Variants in MAD1L1 observed in about 807,000 individuals in gnomAD.
MAD1L1 encodes mitotic arrest deficient 1 like 1, also known as mitotic spindle assembly checkpoint protein MAD1.
A neutral mutation model predicts 96.9 loss-of-function variants in MAD1L1; 95 were observed. The ratio of observed to expected loss-of-function variants is 0.98; its 90% CI spans 0.83 to 1.16. The LOEUF is 1.16. Ranked by LOEUF, MAD1L1 falls within the 50% of genes most tolerant of loss-of-function variation. The pLI, the probability that MAD1L1 is intolerant of heterozygous loss-of-function variation, is 0.00. For synonymous variants in MAD1L1, 473 were observed against 396.6 expected (o/e 1.19, Z -2.29); for missense variants, 1,007 against 954.4 (o/e 1.06, Z -0.73).
intron 18 of MAD1L1, among the ~76,000 whole-genome samples, chr7:1,877,472 C>A (rs529304879): frequency 0.013 from 2,014 of 150,900 alleles, 42 homozygotes; most frequent in African/African-American, 0.046. Context: ...CAAAAAACAG[C>A]CCAAAAGAGG....
chr7:2,113,895 C>T (rs971102219), intron 11 of MAD1L1, among the ~76,000 whole-genome samples: 1 of 152,168 alleles, frequency 6.6e-6, no homozygotes, highest in African/African-American at 2.4e-5. Context: ...GGCGGGGTCA[C>T]GACGACAGGA....
At chr7:1,887,361 G>C (rs942768778) in intron 18 of MAD1L1, among the ~76,000 whole-genome samples, 5 of 151,468 alleles carry the variant, frequency 3.3e-5, no homozygotes, top group African/African-American at 1.2e-4. Flanking sequence ...GCATGCATGT[G>C]TGTGGGTGGC....
chr7:2,138,930 A>G (rs1288322749), intron 11 of MAD1L1, among the ~76,000 whole-genome samples: 1 of 152,218 alleles, frequency 6.6e-6, no homozygotes, highest in Non-Finnish European at 1.5e-5. Context: ...GCAAAGCAAG[A>G]GTCCTGGACC....
At chr7:1,852,528 T>C (rs1384852762) in intron 18 of MAD1L1, among the ~76,000 whole-genome samples, 1 of 152,188 alleles carries the variant, frequency 6.6e-6, no homozygotes, top group Non-Finnish European at 1.5e-5. Context: ...GCTTCCACCC[T>C]GGCCCGACCG....
chr7:1,849,849 C>G (rs557441297), intron 18 of MAD1L1: 1 of 152,338 alleles, frequency 6.6e-6, no homozygotes, highest in South Asian at 2.1e-4. Context: ...CCTGAGGCCA[C>G]TCTCCCTGGA....
At chr7:2,116,662 G>A (rs1008245555) in intron 11 of MAD1L1, among the ~76,000 whole-genome samples, 5 of 152,074 alleles carry the variant, frequency 3.3e-5, no homozygotes, top group African/African-American at 4.8e-5. Context: ...TGTTGCAGGG[G>A]GCCCAGGTCC....
chr7:2,028,493 A>T (rs1783081451), intron 12 of MAD1L1, among the ~76,000 whole-genome samples: 1 of 152,072 alleles, frequency 6.6e-6, no homozygotes, highest in South Asian at 2.1e-4. Context: ...GGATTAGAAG[A>T]TTCAATATTG....
At chr7:1,869,597 G>A (rs1182994038) in intron 18 of MAD1L1, among the ~76,000 whole-genome samples, 3 of 152,090 alleles carry the variant, frequency 2.0e-5, no homozygotes, top group African/African-American at 4.8e-5. Flanking sequence ...GTGACAAAAC[G>A]GAACATAACC....
At position 2,114,088 on chromosome 7, in the gene MAD1L1, G is replaced by C. The variant is rs373903081; in HGVS notation, c.1073+35064C>G. On this transcript the variant is annotated intron_variant, in intron 11 of 18. Transcript: ENST00000265854. The surrounding 1 kb of genome is among the most constrained non-coding windows in gnomAD (Gnocchi z 4.2). ...CCAGGCCTTACAGCTTCTGATAACT[G>C]TACACGGGCTCACAAGACGTTACCC... 2.6e-5 allele frequency among the ~76,000 whole-genome samples: 4 copies of C among 152,200 alleles called. No homozygotes were observed. Among genetic ancestry groups the C allele is most frequent in the African/African-American group, 9.7e-5 (4 of 41,446 alleles).
intron 12 of MAD1L1, among the ~76,000 whole-genome samples, chr7:2,048,635 G>C (rs999237912): frequency 6.6e-6 from 1 of 152,226 alleles, no homozygotes; most frequent in Non-Finnish European, 1.5e-5. Context: ...TGTCCCATAG[G>C]ATGTTGAGTG....
Position 2,001,936 on chromosome 7 carries a change from A to G in MAD1L1, c.1416+129T>C, listed in dbSNP as rs1016974430. ...TCACACACCCTTCCCCGCTCAACGC[A>G]GCTTCCGACGACAGAAGAGGCAGCC... On this transcript the variant is annotated intron_variant, in intron 14 of 18. Coordinates refer to ENST00000265854, the MANE Select transcript of MAD1L1 (RefSeq NM_001013836.2). The G allele has an allele frequency of 9.7e-6, 9 of 928,384 alleles. No homozygotes were observed. The African/African-American group carries it at 1.5e-4, about 15-fold the overall frequency. The allele number at this position is 928,384 out of a possible 1,614,324, so 57.5% of individuals were successfully genotyped here. A position where few individuals can be genotyped will look rare whatever the true frequency, so the allele number is the denominator to read the frequency against.
chr7:1,852,682 A>G (rs1784040814), intron 18 of MAD1L1, among the ~76,000 whole-genome samples: 1 of 151,994 alleles, frequency 6.6e-6, no homozygotes, highest in Admixed American at 6.5e-5. Context: ...GCTTTGCGAG[A>G]TACTGCATTA....
intron 11 of MAD1L1, among the ~76,000 whole-genome samples, chr7:2,100,418 GT>G (rs1324761689): frequency 6.6e-6 from 1 of 152,230 alleles, no homozygotes; most frequent in Non-Finnish European, 1.5e-5. Flanking sequence ...CCTGGAGGGG[GT>G]GCCACACTCC....
chr7:1,928,251 C>A (rs61150432), intron 17 of MAD1L1, among the ~76,000 whole-genome samples: 1 of 146,012 alleles, frequency 6.8e-6, no homozygotes, highest in Non-Finnish European at 1.5e-5. Flanking sequence ...CACTGCTCCC[C>A]ACCACCCGCC....
chr7:2,141,954 G>A lies in MAD1L1; in HGVS notation c.1073+7198C>T, dbSNP rs112140603. ...GGCCACCAGCCAGGCCAGGGTCGCCGGGGCAGCCATCACCGGCCAGCAGGT... is the reference window on the plus strand; with the variant it reads ...GGCCACCAGCCAGGCCAGGGTCGCCAGGGCAGCCATCACCGGCCAGCAGGT... On this transcript the variant is annotated intron_variant, in intron 11 of 18. Coordinates refer to ENST00000265854, the MANE Select transcript of MAD1L1 (RefSeq NM_001013836.2). Among the ~76,000 whole-genome samples, 215 of 152,324 alleles carry A rather than the reference G, an allele frequency of 1.4e-3. 2 individuals are homozygous for A. The highest frequency in any genetic ancestry group is 5.0e-3 in the African/African-American group (207 of 41,572).
At chr7:2,065,883 G>C (rs528282600) in intron 12 of MAD1L1, among the ~76,000 whole-genome samples, 1 of 152,330 alleles carries the variant, frequency 6.6e-6, no homozygotes, top group South Asian at 2.1e-4. Flanking sequence ...CTTGCTAAAA[G>C]TTAGCTTGTA....
intron 13 of MAD1L1, among the ~76,000 whole-genome samples, chr7:2,009,200 C>T (rs924870763): frequency 2.0e-5 from 3 of 152,172 alleles, no homozygotes; most frequent in African/African-American, 7.2e-5. Context: ...GCACAGAGGC[C>T]TCAGCCGGGC....
intron 3 of MAD1L1, among the ~76,000 whole-genome samples, chr7:2,228,960 C>G (rs747662403): frequency 3.3e-5 from 5 of 152,050 alleles, no homozygotes; most frequent in Non-Finnish European, 7.4e-5. Flanking sequence ...ATCTTGATCT[C>G]CTGACCTCAT....
At chr7:2,102,691 C>T (rs1004478937) in intron 11 of MAD1L1, among the ~76,000 whole-genome samples, 3 of 152,090 alleles carry the variant, frequency 2.0e-5, no homozygotes, top group Admixed American at 2.0e-4. Context: ...CCACTCTCCA[C>T]ACCATCACCA....
Sources: gnomAD v4.1 joint callset for allele counts (sites outside exome capture counted in the v4.1 genomes callset) on GRCh38, gnomAD v4.1.1 for gene constraint, Gnocchi (gnomAD v3.1) non-coding constraint, MANE v1.5 for transcripts, NCBI Gene and HGNC (gene_info 2026-07-23, HGNC 2026-07-21) for gene names.